Variants in SP140L observed in about 807,000 individuals in gnomAD.
The protein encoded by SP140L is SP140 like nuclear body protein.
A neutral mutation model predicts 84.3 loss-of-function variants in SP140L; 64 were observed. The observed-to-expected ratio is 0.76, with a 90% CI of 0.62 to 0.94. The LOEUF (loss-of-function observed/expected upper bound fraction) is 0.94. SP140L is among the 40% of genes least tolerant of loss of function. The pLI, the probability that SP140L is intolerant of heterozygous loss-of-function variation, is 0.00. For missense variants in SP140L, 628 were observed against 692.5 expected (o/e 0.91, Z 1.05); for synonymous variants, 242 against 236.9 (o/e 1.02, Z -0.20).
chr2:230,362,435 A>C (rs761398498), intron 5 of SP140L, among the ~76,000 whole-genome samples: 2 of 152,146 alleles, frequency 1.3e-5, no homozygotes, highest in Non-Finnish European at 2.9e-5. Flanking sequence ...GATGTTGTTC[A>C]AGAGCAGGAA....
chr2:230,352,860 A>ATG (rs1410188643), intron 2 of SP140L, among the ~76,000 whole-genome samples: 1 of 151,788 alleles, frequency 6.6e-6, no homozygotes, highest in Non-Finnish European at 1.5e-5. Context: ...ACACACATAT[A>ATG]TGTGTGTATA....
intron 7 of SP140L, among the ~76,000 whole-genome samples, chr2:230,381,881 C>T (rs1221520653): frequency 1.3e-5 from 2 of 152,166 alleles, no homozygotes; most frequent in Non-Finnish European, 2.9e-5. Flanking sequence ...ACAATAAGCA[C>T]AATCCCCAGA....
At chr2:230,371,728 G>T (rs1575496701) in intron 7 of SP140L, 77 bp downstream of exon 7, 1 of 1,311,108 alleles carries the variant, frequency 7.6e-7, no homozygotes, top group Non-Finnish European at 1.1e-6. Flanking sequence ...TTTTGTCATT[G>T]TTACTGTTTC....
intron 5 of SP140L, among the ~76,000 whole-genome samples, chr2:230,369,094 T>G (rs2060974637): frequency 6.6e-6 from 1 of 152,258 alleles, no homozygotes; most frequent in Non-Finnish European, 1.5e-5. Context: ...CTCTGTAGAT[T>G]GGCTTTGTCT....
chr2:230,356,529 AT>A (rs1344082900), intron 2 of SP140L, among the ~76,000 whole-genome samples: 1 of 152,240 alleles, frequency 6.6e-6, no homozygotes, highest in African/African-American at 2.4e-5. Flanking sequence ...AGCAGGCAGT[AT>A]TAACATCTGA....
At chr2:230,327,702 T>C (rs567768925) in intron 1 of SP140L, among the ~76,000 whole-genome samples, 17 of 152,322 alleles carry the variant, frequency 1.1e-4, no homozygotes, top group South Asian at 6.2e-4. Flanking sequence ...CCCTCTGCCC[T>C]CTCTACCTTC....
At chr2:230,364,665 T>C (rs765822027) in intron 5 of SP140L, among the ~76,000 whole-genome samples, 4 of 152,136 alleles carry the variant, frequency 2.6e-5, no homozygotes, top group Non-Finnish European at 5.9e-5. Flanking sequence ...GTCTAGGACT[T>C]GCAGTACTGT....
At chr2:230,387,764 G>A (rs4973321) in intron 9 of SP140L, among the ~76,000 whole-genome samples, 151,213 of 152,342 alleles carry the variant, frequency 0.99, 75,050 homozygotes, top group Middle Eastern at 1. Context: ...TTGGGAGAAC[G>A]TCGTCGGCTG....
intron 2 of SP140L, among the ~76,000 whole-genome samples, chr2:230,349,181 A>G (rs767210391): frequency 5.3e-5 from 8 of 152,246 alleles, no homozygotes; most frequent in Non-Finnish European, 7.3e-5. Flanking sequence ...TTGAAAATCA[A>G]TTGCTGAAAC....
At position 230,344,796 on chromosome 2, in the gene SP140L, C is replaced by T. The variant is rs570403314; in HGVS notation, c.108-13009C>T. Among the ~76,000 whole-genome samples the T allele has an allele frequency of 3.3e-5, 5 of 152,198 alleles. No homozygotes were observed. In the East Asian group the frequency reaches 9.6e-4, roughly 29 times the overall value. Reference sequence around the variant, plus strand: ...ATTCAAGAATGTATTGTTTAACTTCCCTACATTATTTATGTATACCTTACA... The same window carrying T: ...ATTCAAGAATGTATTGTTTAACTTCTCTACATTATTTATGTATACCTTACA... On this transcript the variant is annotated intron_variant, in intron 2 of 18. Coordinates refer to ENST00000415673, the MANE Select transcript of SP140L (RefSeq NM_138402.6).
chr2:230,352,335 C>T (rs2060388493), intron 2 of SP140L, among the ~76,000 whole-genome samples: 1 of 152,110 alleles, frequency 6.6e-6, no homozygotes, highest in African/African-American at 2.4e-5. Context: ...CTCACAGTTC[C>T]ACAACCTTAA....
In SP140L at chr2:230,342,599, C is replaced by A. The variant is rs143323638; in HGVS notation, c.107+13768C>A. On this transcript the variant is annotated intron_variant, in intron 2 of 18. Coordinates refer to ENST00000415673, the MANE Select transcript of SP140L (RefSeq NM_138402.6). ...CTTATTATTGGTCTCTTCAGATTAT[C>A]TGTTTTTTCATGATTCAGTCTTGGT... 4.4e-4 allele frequency among the ~76,000 whole-genome samples: 67 copies of A among 152,240 alleles called. 1 individual carries two copies. The East Asian group carries it at 0.012, about 28-fold the overall frequency.
chr2:230,335,165 GA>G (rs2059833690), intron 2 of SP140L, among the ~76,000 whole-genome samples: 1 of 151,814 alleles, frequency 6.6e-6, no homozygotes, highest in Admixed American at 6.6e-5. Context: ...TTTTGTTTGA[GA>G]TATAATTAAA....
intron 13 of SP140L, among the ~76,000 whole-genome samples, chr2:230,394,816 T>C (rs2149816935): frequency 6.6e-6 from 1 of 152,314 alleles, no homozygotes; most frequent in South Asian, 2.1e-4. Context: ...GCAGAGCCAC[T>C]TGGCTTCTGG....
Position 230,327,983 on chromosome 2 carries a change from T to G in SP140L, c.32+682T>G, listed in dbSNP as rs187948086. ...TTCCTGTCCCAAGATGGGGGATGCC[T>G]CTGACCAGAAAAGAGATGGAAATCC... is the stretch of plus-strand genomic sequence containing the variant. On this transcript the variant is annotated intron_variant, in intron 1 of 18. Coordinates refer to ENST00000415673, the MANE Select transcript of SP140L (RefSeq NM_138402.6). 3.0e-4 allele frequency among the ~76,000 whole-genome samples: 45 copies of G among 152,362 alleles called. 2 individuals are homozygous for G. Among genetic ancestry groups the G allele is most frequent in the Admixed American group, 2.4e-3 (36 of 15,312 alleles).
chr2:230,368,711 T>C (rs2060963392), intron 5 of SP140L, among the ~76,000 whole-genome samples: 2 of 152,214 alleles, frequency 1.3e-5, no homozygotes, highest in African/African-American at 4.8e-5. Flanking sequence ...AATTCTTTCC[T>C]CTACATGATT....
chr2:230,340,620 C>T (rs1439648953), intron 2 of SP140L, among the ~76,000 whole-genome samples: 30 of 136,352 alleles, frequency 2.2e-4, no homozygotes, highest in South Asian at 1.0e-3. Flanking sequence ...GATTTTGCAG[C>T]GGCTGGTACC....
chr2:230,347,613 C>T (rs1255218766), intron 2 of SP140L, among the ~76,000 whole-genome samples: 1 of 152,140 alleles, frequency 6.6e-6, no homozygotes, highest in Admixed American at 6.5e-5. Context: ...TTTGGGCTTC[C>T]TGGTTAGCAA....
intron 2 of SP140L, among the ~76,000 whole-genome samples, chr2:230,347,676 G>A (rs1335176976): frequency 1.3e-5 from 2 of 152,170 alleles, no homozygotes; most frequent in African/African-American, 2.4e-5. Flanking sequence ...GATTACCTGC[G>A]TGGTCAAGGA....
Sources: allele counts gnomAD v4.1 joint callset (sites outside exome capture counted in the v4.1 genomes callset), GRCh38; gene constraint gnomAD v4.1.1; transcripts MANE v1.5; gene names NCBI Gene and HGNC (gene_info 2026-07-23, HGNC 2026-07-21).